Variants in RALB observed in about 807,000 individuals in gnomAD.
RALB encodes the protein ras-related protein Ral-B.
A neutral mutation model predicts 21.3 loss-of-function variants in RALB; 16 were observed. The observed-to-expected ratio is 0.75, with a 90% CI of 0.51 to 1.14. The LOEUF is 1.14. Ranked by LOEUF, RALB falls within the 50% of genes most tolerant of loss-of-function variation. The pLI, the probability that RALB is intolerant of heterozygous loss-of-function variation, is 0.00. For synonymous variants in RALB, 93 were observed against 96.1 expected (o/e 0.97, Z 0.19); for missense variants, 161 against 256.2 (o/e 0.63, Z 2.54).
intron 3 of RALB, among the ~76,000 whole-genome samples, chr2:120,288,211 T>TAA (rs1690214208): frequency 6.6e-6 from 1 of 152,246 alleles, no homozygotes; most frequent in Non-Finnish European, 1.5e-5. Flanking sequence ...TGTATCATGT[T>TAA]CTTTGACCCC....
chr2:120,262,555 C>G (rs1157054074), intron 1 of RALB, among the ~76,000 whole-genome samples: 1 of 152,046 alleles, frequency 6.6e-6, no homozygotes, highest in Non-Finnish European at 1.5e-5. Flanking sequence ...GGTGACTGTT[C>G]AGGACAGATG....
At chr2:120,266,527 G>T (rs1387451838) in intron 1 of RALB, among the ~76,000 whole-genome samples, 1 of 152,228 alleles carries the variant, frequency 6.6e-6, no homozygotes, top group East Asian at 1.9e-4. Flanking sequence ...GATTACAGGC[G>T]TGAGCCACTG....
intron 1 of RALB, among the ~76,000 whole-genome samples, chr2:120,275,287 C>T (rs370767170): frequency 9.9e-5 from 15 of 152,080 alleles, no homozygotes; most frequent in Admixed American, 9.8e-4. Context: ...TGCATGCGCA[C>T]ACATGCACAT....
At position 120,253,738 on chromosome 2, in the gene RALB, C is replaced by T. The variant is rs947564285; in HGVS notation, c.-48+758C>T. ...ACTTTGGTGTTCTTATCAGGTGAGT[C>T]TTCGGGAGAGAAGTGCTTGTGCCTG... On this transcript the variant is annotated intron_variant, in intron 1 of 4. Coordinates refer to ENST00000272519, the MANE Select transcript of RALB (RefSeq NM_002881.3). 18 of 984,064 alleles carry T rather than the reference C, an allele frequency of 1.8e-5. No individual in the cohort carries two copies. The African/African-American group carries it at 3.0e-4, about 16-fold the overall frequency. 61.0% of individuals were successfully genotyped at this position (984,064 alleles called of 1,614,324 possible).
chr2:120,246,354 C>T (rs1416269722), intron 1 of RALB, among the ~76,000 whole-genome samples: 3 of 152,142 alleles, frequency 2.0e-5, no homozygotes, highest in African/African-American at 7.2e-5. Context: ...CATCCCTGCC[C>T]CCATCCTAGA....
upstream of RALB, among the ~76,000 whole-genome samples, chr2:120,248,843 T>A (rs550574379): frequency 6.6e-6 from 1 of 152,202 alleles, no homozygotes; most frequent in South Asian, 2.1e-4. Flanking sequence ...CTAATTTTTT[T>A]ATTTTTTATA....
intron 1 of RALB, chr2:120,253,877 C>T (rs1689125414): frequency 4.3e-6 from 1 of 233,264 alleles, no homozygotes; most frequent in Admixed American, 6.5e-5. Context: ...TCCTGGTTTC[C>T]TAACCTCATT....
intron 1 of RALB, chr2:120,253,576 T>G (rs1206658660): frequency 3.0e-6 from 3 of 985,384 alleles, no homozygotes; most frequent in Non-Finnish European, 3.6e-6. Context: ...GGCATCGCCG[T>G]CCCGGTTCTT....
At chr2:120,286,495 G>A (rs1376203334) in intron 3 of RALB, among the ~76,000 whole-genome samples, 1 of 152,206 alleles carries the variant, frequency 6.6e-6, no homozygotes, top group Non-Finnish European at 1.5e-5. Flanking sequence ...AACAATGACT[G>A]GAAAGTGAAA....
At chr2:120,277,818 CAA>C (rs1402021930) in intron 1 of RALB, among the ~76,000 whole-genome samples, 6 of 147,224 alleles carry the variant, frequency 4.1e-5, no homozygotes, top group East Asian at 4.0e-4. Context: ...CGTGTGAGAG[CAA>C]GTGTGTGAAT....
At chr2:120,275,965 ATCTGATC>A (rs983936757) in intron 1 of RALB, among the ~76,000 whole-genome samples, 3 of 152,340 alleles carry the variant, frequency 2.0e-5, no homozygotes, top group Middle Eastern at 3.4e-3. Context: ...GGGAGGCAGT[ATCTGATC>A]TACATAGGGT....
intron 3 of RALB, among the ~76,000 whole-genome samples, chr2:120,286,494 T>C (rs1235169211): frequency 2.0e-5 from 3 of 152,234 alleles, no homozygotes; most frequent in Non-Finnish European, 4.4e-5. Flanking sequence ...AAACAATGAC[T>C]GGAAAGTGAA....
chr2:120,255,164 A>G (rs886887626), intron 1 of RALB, among the ~76,000 whole-genome samples: 18 of 152,220 alleles, frequency 1.2e-4, no homozygotes, highest in Admixed American at 8.5e-4. Flanking sequence ...GTAGTTTTCC[A>G]GTGTAACTTG....
At chr2:120,282,465 C>T (rs377697095) in intron 2 of RALB, among the ~76,000 whole-genome samples, 21 of 138,552 alleles carry the variant, frequency 1.5e-4, no homozygotes, top group African/African-American at 5.2e-4. Context: ...GGAACAAGAG[C>T]GAAACTCCAT....
At chr2:120,250,924 A>T (rs1259226037), upstream of RALB, among the ~76,000 whole-genome samples, 1 of 152,198 alleles carries the variant, frequency 6.6e-6, no homozygotes, top group Non-Finnish European at 1.5e-5. Flanking sequence ...TGAATAGATG[A>T]TCCTGCTGGA....
chr2:120,246,083 G>A, intron 1 of RALB, among the ~76,000 whole-genome samples: 1 of 152,182 alleles, frequency 6.6e-6, no homozygotes, highest in East Asian at 1.9e-4. Flanking sequence ...GCCTTGCCCT[G>A]CTCTCTAGCA....
intron 4 of RALB, among the ~76,000 whole-genome samples, chr2:120,291,468 T>TGA (rs1440079916): frequency 2.6e-5 from 4 of 152,302 alleles, no homozygotes; most frequent in African/African-American, 9.6e-5. Context: ...AGCTTGGAAC[T>TGA]GTGGATGTGT....
chr2:120,243,155 G>T (rs139576664), intron 1 of RALB, among the ~76,000 whole-genome samples: 1 of 152,238 alleles, frequency 6.6e-6, no homozygotes, highest in Non-Finnish European at 1.5e-5. Flanking sequence ...GTGCTGGGCT[G>T]TAGCATTGGC....
intron 1 of RALB, chr2:120,253,548 G>A (rs569509637): frequency 1.0e-6 from 1 of 985,600 alleles, no homozygotes; most frequent in Admixed American, 6.1e-5. Context: ...GGGCTTCTAA[G>A]GGGAAGCGCC....
Sources: allele counts gnomAD v4.1 joint callset (sites outside exome capture counted in the v4.1 genomes callset), GRCh38; gene constraint gnomAD v4.1.1; transcripts MANE v1.5; gene names NCBI Gene and HGNC (gene_info 2026-07-23, HGNC 2026-07-21).